NAALADL2: variants seen among roughly 807,000 people sequenced by gnomAD.
NAALADL2 encodes inactive N-acetylated-alpha-linked acidic dipeptidase-like protein 2.
Under a neutral mutation model 87.2 loss-of-function variants are expected in NAALADL2, and 76 were observed. The observed-to-expected ratio is 0.87, with a 90% confidence interval of 0.72 to 1.05. The LOEUF is 1.05. Among genes scored for constraint, NAALADL2 ranks in the 50% least tolerant of loss-of-function variants. The pLI is 0.00. For missense variants in NAALADL2, 1,089 were observed against 945.8 expected, an observed-to-expected ratio of 1.15 and a Z score of -1.99; for synonymous variants, 354 against 331.0, an observed-to-expected ratio of 1.07 and a Z score of -0.75.
intron 5 of NAALADL2, among the ~76,000 whole-genome samples, chr3:175,361,426 C>T (rs184259043): frequency 0.014 from 2,126 of 148,078 alleles, 204 homozygotes; most frequent in Middle Eastern, 0.024. Context: ...GTTCTAGATC[C>T]TTGAGGAATC....
At chr3:174,900,512 A>G (rs1356491823) in intron 1 of NAALADL2, among the ~76,000 whole-genome samples, 1 of 152,008 alleles carries the variant, frequency 6.6e-6, no homozygotes, top group African/African-American at 2.4e-5. Flanking sequence ...TTTGCAATAT[A>G]GATAAAAATC....
chr3:175,780,634 A>G (rs1379306126), intron 13 of NAALADL2, among the ~76,000 whole-genome samples: 4 of 152,216 alleles, frequency 2.6e-5, no homozygotes, highest in Non-Finnish European at 5.9e-5. Flanking sequence ...GCTGTTCAAT[A>G]GTAGCAATAA....
intron 9 of NAALADL2, among the ~76,000 whole-genome samples, chr3:175,575,532 G>A (rs1461654883): frequency 1.3e-5 from 2 of 152,062 alleles, no homozygotes; most frequent in East Asian, 1.9e-4. Context: ...TGACCCGCCT[G>A]CCTCAGCCTC....
At chr3:175,076,320 T>G (rs73883342) in intron 1 of NAALADL2, among the ~76,000 whole-genome samples, 21,057 of 148,550 alleles carry the variant, frequency 0.14, 1,873 homozygotes, top group African/African-American at 0.24. Context: ...GTGTATTTCA[T>G]GCTTTTTTTT....
intron 5 of NAALADL2, among the ~76,000 whole-genome samples, chr3:175,344,292 G>T (rs6794039): frequency 1.3e-5 from 2 of 151,652 alleles, no homozygotes; most frequent in Admixed American, 6.6e-5. Flanking sequence ...TTTTCAGCAC[G>T]CCTGGAATTC....
At chr3:175,789,883 A>C (rs1351175433) in intron 13 of NAALADL2, among the ~76,000 whole-genome samples, 1 of 152,150 alleles carries the variant, frequency 6.6e-6, no homozygotes, top group East Asian at 1.9e-4. Flanking sequence ...GTTATTAATA[A>C]AAAAATACAA....
intron 10 of NAALADL2, among the ~76,000 whole-genome samples, chr3:175,603,452 C>G (rs903212758): frequency 1.6e-4 from 25 of 152,178 alleles, no homozygotes; most frequent in Non-Finnish European, 3.4e-4. Context: ...AATTCTATAC[C>G]CAGTAAACAA....
intron 5 of NAALADL2, among the ~76,000 whole-genome samples, chr3:175,381,222 G>T (rs1767743543): frequency 6.6e-6 from 1 of 151,220 alleles, no homozygotes; most frequent in South Asian, 2.1e-4. Context: ...AAAGTATTTT[G>T]GTTATTAAAT....
intron 2 of NAALADL2, among the ~76,000 whole-genome samples, chr3:174,586,833 A>T (rs1454732612): frequency 1.3e-5 from 2 of 150,498 alleles, no homozygotes; most frequent in Non-Finnish European, 3.0e-5. Flanking sequence ...ACTTTCAGAG[A>T]TTTTTTTTTT....
intron 2 of NAALADL2, among the ~76,000 whole-genome samples, chr3:174,678,581 A>C (rs1195774017): frequency 1.3e-5 from 2 of 152,148 alleles, no homozygotes; most frequent in East Asian, 3.9e-4. Context: ...TTTACATTTC[A>C]ATAATCACTG....
At chr3:175,555,352 G>A (rs1332875655) in intron 9 of NAALADL2, among the ~76,000 whole-genome samples, 2 of 152,158 alleles carry the variant, frequency 1.3e-5, no homozygotes, top group East Asian at 1.9e-4. Context: ...AAATAGCAGT[G>A]AGTACATTTA....
intron 4 of NAALADL2, among the ~76,000 whole-genome samples, chr3:175,300,468 T>G (rs1329215279): frequency 6.6e-6 from 1 of 152,170 alleles, no homozygotes; most frequent in Non-Finnish European, 1.5e-5. Context: ...TTTCAGAACT[T>G]GTTATTGGTC....
intron 1 of NAALADL2, among the ~76,000 whole-genome samples, chr3:175,015,452 G>T (rs953600419): frequency 6.6e-6 from 1 of 152,074 alleles, no homozygotes. Flanking sequence ...CTCATGTCAC[G>T]CTTTAGGACT....
chr3:175,740,057 G>A (rs192442081), intron 12 of NAALADL2, among the ~76,000 whole-genome samples: 5 of 152,198 alleles, frequency 3.3e-5, no homozygotes, highest in Non-Finnish European at 5.9e-5. Flanking sequence ...CTTCTCAGGC[G>A]CTCCTTCCTT....
intron 9 of NAALADL2, among the ~76,000 whole-genome samples, chr3:175,489,069 G>A (rs981683231): frequency 9.2e-5 from 14 of 152,072 alleles, no homozygotes; most frequent in South Asian, 2.1e-4. Flanking sequence ...GAAAAATTAC[G>A]TTTATCAAAG....
At chr3:174,460,617 C>T (rs1716156217) in intron 1 of NAALADL2, among the ~76,000 whole-genome samples, 1 of 150,364 alleles carries the variant, frequency 6.7e-6, no homozygotes, top group Non-Finnish European at 1.5e-5. Flanking sequence ...GGTTTTGAAA[C>T]AATAAAAGAA....
chr3:175,487,568 C>G lies in NAALADL2; in HGVS notation c.1653+15810C>G, dbSNP rs901061049. ...GTTTGATGATTAGTCCTCAGTATAT[C>G]CACAGAGCTCTTATATGAAGAGAAT... On this transcript the variant is annotated intron_variant, in intron 9 of 13. Coordinates refer to ENST00000454872, the MANE Select transcript of NAALADL2 (RefSeq NM_207015.3). The G allele has an allele frequency of 1.4e-4, 64 of 456,136 alleles. 3 individuals are homozygous for G. The highest frequency in any genetic ancestry group is 4.2e-4 in the Admixed American group (18 of 42,448). The allele number at this position is 456,136 out of a possible 1,614,324, so 28.3% of individuals were successfully genotyped here.
intron 3 of NAALADL2, among the ~76,000 whole-genome samples, chr3:174,838,630 A>G (rs988803384): frequency 3.3e-5 from 5 of 152,216 alleles, no homozygotes; most frequent in African/African-American, 1.2e-4. Flanking sequence ...AGAACTGATA[A>G]AAGAATTCAG....
chr3:174,896,567 A>G (rs77021802), intron 1 of NAALADL2, among the ~76,000 whole-genome samples: 11,656 of 152,242 alleles, frequency 0.077, 525 homozygotes, highest in Middle Eastern at 0.12. Context: ...TAGAAGAATC[A>G]ATATTGTTAA....
Sources: gnomAD v4.1 joint callset for allele counts (sites outside exome capture counted in the v4.1 genomes callset) on GRCh38, gnomAD v4.1.1 for gene constraint, MANE v1.5 for transcripts, NCBI Gene and HGNC (gene_info 2026-07-23, HGNC 2026-07-21) for gene names.